Variants in GNB1 observed in about 807,000 individuals in gnomAD.
The protein encoded by GNB1 is G protein subunit beta 1, also known as guanine nucleotide-binding protein G(I)/G(S)/G(T) subunit beta-1.
In GNB1, 2 loss-of-function variants were observed where a neutral mutation model predicts 42.9. The observed-to-expected ratio is 0.05, with a 90% CI of 0.02 to 0.15. The LOEUF (loss-of-function observed/expected upper bound fraction) is 0.15. GNB1 is among the 10% of genes least tolerant of loss of function. GNB1 has a pLI of 1.00. For missense variants in GNB1, 193 were observed against 462.2 expected (o/e 0.42, Z 5.34); for synonymous variants, 183 against 174.7 (o/e 1.05, Z -0.38).
At chr1:1,818,139 T>G in intron 3 of GNB1, 3 of 334,640 alleles carry the variant, frequency 9.0e-6, no homozygotes, top group Non-Finnish European at 1.8e-5. Context: ...CCCACAGCTG[T>G]GGCCAGCACC....
At chr1:1,822,388 C>G (rs1646941459) in intron 3 of GNB1, among the ~76,000 whole-genome samples, 1 of 151,790 alleles carries the variant, frequency 6.6e-6, no homozygotes, top group Admixed American at 6.6e-5. Flanking sequence ...ACTGCAAGCT[C>G]CGCCTCCCAG....
chr1:1,789,405 G>T, intron 9 of GNB1, 136 bp from the exon 10 acceptor site: 2 of 625,412 alleles, frequency 3.2e-6, no homozygotes, highest in South Asian at 3.7e-5. Flanking sequence ...TAAGAACAGA[G>T]GGCTGGGCCG....
intron 1 of GNB1, among the ~76,000 whole-genome samples, chr1:1,887,403 C>T (rs1468326193): frequency 6.6e-6 from 1 of 152,208 alleles, no homozygotes; most frequent in Non-Finnish European, 1.5e-5. Flanking sequence ...AAAGCTACAA[C>T]TTTTCCAGTG....
intron 10 of GNB1, chr1:1,788,165 T>C (rs1463473190): frequency 6.6e-6 from 1 of 152,288 alleles, no homozygotes; most frequent in Non-Finnish European, 1.5e-5. Context: ...GGAGTAGCGA[T>C]GGTGGCTGAG....
chr1:1,786,666 A>C lies in GNB1; in HGVS notation c.*397T>G, dbSNP rs1437565006. 6.6e-6 allele frequency: 1 copy of C among 152,324 alleles called. No homozygotes were observed. Among genetic ancestry groups the C allele is most frequent in the Non-Finnish European group, 1.5e-5 (1 of 68,086 alleles). The allele number at this position is 152,324 out of a possible 1,614,324, so 9.4% of individuals were successfully genotyped here. A position where few individuals can be genotyped will look rare whatever the true frequency, so the allele number is the denominator to read the frequency against. On this transcript the variant is annotated 3_prime_UTR_variant, in exon 12 of 12. Coordinates refer to ENST00000378609, the MANE Select transcript of GNB1 (RefSeq NM_002074.5). The stretch of plus-strand genomic sequence containing the variant: ...GAACAAAGCCCTCAGCATGTTTTGC[A>C]TGAATGCCACAAAACAGGGTCACTG...
intron 6 of GNB1, 121 bp from the exon 7 acceptor site, chr1:1,804,702 A>G (rs979434398): frequency 1.4e-6 from 1 of 712,734 alleles, no homozygotes; most frequent in Admixed American, 3.1e-5. Flanking sequence ...AAGAGCCAAA[A>G]TTATCTAGAG....
intron 7 of GNB1, among the ~76,000 whole-genome samples, chr1:1,801,068 T>C (rs948996037): frequency 1.3e-5 from 2 of 152,222 alleles, no homozygotes; most frequent in African/African-American, 2.4e-5. Context: ...CTCACTCTGT[T>C]ACCCAGGCTG....
intron 2 of GNB1, among the ~76,000 whole-genome samples, chr1:1,835,346 C>A (rs1182218453): frequency 6.6e-6 from 1 of 152,198 alleles, no homozygotes; most frequent in African/African-American, 2.4e-5. Context: ...TCTCTGCCTA[C>A]ATTTTTTTGT....
intron 1 of GNB1, among the ~76,000 whole-genome samples, chr1:1,881,988 T>C (rs999918181): frequency 1.3e-5 from 2 of 152,118 alleles, no homozygotes; most frequent in Admixed American, 6.6e-5. Flanking sequence ...AAGCTTTTTT[T>C]AATGAGAAGC....
intron 1 of GNB1, among the ~76,000 whole-genome samples, chr1:1,864,209 G>A (rs1337589552): frequency 6.8e-6 from 1 of 147,120 alleles, no homozygotes; most frequent in African/African-American, 2.5e-5. Flanking sequence ...TGTAATCCCA[G>A]CTATTCAGGA....
chr1:1,843,229 TA>T (rs1011688376), intron 1 of GNB1, among the ~76,000 whole-genome samples: 25 of 152,306 alleles, frequency 1.6e-4, no homozygotes, highest in African/African-American at 6.0e-4. Flanking sequence ...CATTATTAAT[TA>T]TTTTTTTGAG....
At chr1:1,882,350 C>T (rs1186877005) in intron 1 of GNB1, among the ~76,000 whole-genome samples, 1 of 147,470 alleles carries the variant, frequency 6.8e-6, no homozygotes, top group African/African-American at 2.6e-5. Flanking sequence ...AGCGCCTGAA[C>T]CTGGGAGGCG....
chr1:1,807,463 GAAAAAAAAAAA>G (rs533616486), intron 5 of GNB1, among the ~76,000 whole-genome samples: 563 of 25,580 alleles, frequency 0.022, 5 homozygotes, highest in East Asian at 0.029. Context: ...GATCCTGACT[GAAAAAAAAAAA>G]AAAAAAAAAA....
At chr1:1,799,308 G>A (rs897128282) in intron 7 of GNB1, among the ~76,000 whole-genome samples, 3 of 152,102 alleles carry the variant, frequency 2.0e-5, no homozygotes, top group Non-Finnish European at 4.4e-5. Flanking sequence ...AAATATGAAG[G>A]AAATAAAATT....
intron 1 of GNB1, among the ~76,000 whole-genome samples, chr1:1,856,232 G>T (rs752196458): frequency 6.6e-5 from 10 of 152,136 alleles, no homozygotes; most frequent in Non-Finnish European, 1.0e-4. Context: ...ACATTGCCCA[G>T]GCTGTTTTCA....
intron 3 of GNB1, among the ~76,000 whole-genome samples, chr1:1,823,590 A>G (rs950510976): frequency 3.3e-5 from 5 of 152,190 alleles, no homozygotes; most frequent in South Asian, 4.1e-4. Context: ...CAAACTATTA[A>G]AAAAATCTAA....
intron 1 of GNB1, among the ~76,000 whole-genome samples, chr1:1,888,656 G>A (rs141694341): frequency 0.01 from 1,561 of 152,254 alleles, 27 homozygotes; most frequent in African/African-American, 0.035. Context: ...TGGCCAACAT[G>A]GTGAAACCCT....
At position 1,806,552 on chromosome 1, in the gene GNB1, C is replaced by T. The variant is rs748987967; in HGVS notation, c.204-14G>A. 4.4e-6 allele frequency: 7 copies of T among 1,584,568 alleles called. No individual in the cohort carries two copies. In the African/African-American group the frequency reaches 9.4e-5, roughly 21 times the overall value. On this transcript the variant is annotated splice_polypyrimidine_tract_variant and intron_variant, in intron 5 of 11. Transcript: ENST00000378609. ...CTGACGAGAAGCCTGGAGGGACAGACAAAAGCAAACCTATCAGTACCGCAC... is the reference window on the plus strand; with the variant it reads ...CTGACGAGAAGCCTGGAGGGACAGATAAAAGCAAACCTATCAGTACCGCAC...
Position 1,881,210 on chromosome 1 carries a change from C to T in GNB1, c.-96+9610G>A, listed in dbSNP as rs1424273746. Among the ~76,000 whole-genome samples the T allele has an allele frequency of 2.0e-5, 3 of 152,134 alleles. No homozygotes were observed. The East Asian group carries it at 5.8e-4, about 29-fold the overall frequency. ...AACCTGTGGTCATTTACATCTTTCT[C>T]GCCACTCTCGCCTTCCCTTCGGTCA... On this transcript the variant is annotated intron_variant, in intron 1 of 11. Coordinates refer to ENST00000378609, the MANE Select transcript of GNB1 (RefSeq NM_002074.5).
Sources: gnomAD v4.1 joint callset for allele counts (sites outside exome capture counted in the v4.1 genomes callset) on GRCh38, gnomAD v4.1.1 for gene constraint, MANE v1.5 for transcripts, NCBI Gene and HGNC (gene_info 2026-07-23, HGNC 2026-07-21) for gene names.